The following DLG2 variants were observed in gnomAD, a reference collection of about 807,000 sequenced individuals.
DLG2 encodes the protein discs large MAGUK scaffold protein 2.
In DLG2, 45 loss-of-function variants were observed where a neutral mutation model predicts 132.5. The observed-to-expected ratio is 0.34, with a 90% CI of 0.27 to 0.44. The LOEUF is 0.44. Ranked by LOEUF, DLG2 falls within the 20% of genes least tolerant of loss-of-function variation. The pLI is 1.00. For missense variants in DLG2, 1,045 were observed against 1,196.9 expected, an observed-to-expected ratio of 0.87 and a Z score of 1.87; for synonymous variants, 424 against 419.6, an observed-to-expected ratio of 1.01 and a Z score of -0.13.
chr11:84,322,136 G>T (rs1407108659), intron 7 of DLG2, among the ~76,000 whole-genome samples: 1 of 152,198 alleles, frequency 6.6e-6, no homozygotes, highest in Non-Finnish European at 1.5e-5. Flanking sequence ...AAACATGGAA[G>T]AAGACAAAAG....
chr11:85,598,727 C>A lies in DLG2; in HGVS notation c.-31G>T. 1.3e-6 allele frequency: 2 copies of A among 1,573,274 alleles called. No individual in the cohort carries two copies. The highest frequency in any genetic ancestry group is 1.7e-6 in the Non-Finnish European group (2 of 1,162,310). On this transcript the variant is annotated 5_prime_UTR_variant, in exon 3 of 28. Transcript: ENST00000376104. ...TTTTAACCGCATTTTTCAACAGCTG[C>A]TCCTCTGGTTTCCTTAATTTTTTGC...
At chr11:84,616,111 G>C (rs1593875758) in intron 6 of DLG2, among the ~76,000 whole-genome samples, 1 of 152,044 alleles carries the variant, frequency 6.6e-6, no homozygotes, top group South Asian at 2.1e-4. Flanking sequence ...AGGGGGGTCA[G>C]AGAAGGCTAA....
chr11:85,606,606 C>A (rs1428523949), intron 2 of DLG2, among the ~76,000 whole-genome samples: 1 of 152,198 alleles, frequency 6.6e-6, no homozygotes, highest in African/African-American at 2.4e-5. Flanking sequence ...CCTGAGCCAG[C>A]AGCAGCAACC....
intron 19 of DLG2, among the ~76,000 whole-genome samples, chr11:83,597,525 A>T (rs1243044159): frequency 6.6e-6 from 1 of 152,152 alleles, no homozygotes; most frequent in Non-Finnish European, 1.5e-5. Flanking sequence ...CTCTACCAAA[A>T]TTAAATAAAT....
chr11:84,779,902 GCCCAGGA>G (rs2071403094), intron 6 of DLG2, among the ~76,000 whole-genome samples: 1 of 140,440 alleles, frequency 7.1e-6, no homozygotes, highest in South Asian at 2.2e-4. Flanking sequence ...AAAAAAAAAA[GCCCAGGA>G]CCAGGACCAG....
In DLG2 at chr11:84,121,234, T is replaced by G. The variant is rs75343819; in HGVS notation, c.625-22187A>C. 9.8e-3 allele frequency among the ~76,000 whole-genome samples: 1,493 copies of G among 152,312 alleles called. 24 individuals are homozygous for G. The highest frequency in any genetic ancestry group is 0.033 in the African/African-American group (1,370 of 41,574). ...TGTTATATAAGTTATTTAACCGCTTTGAGTCTCAGTTGTCTCTTCTATAAA... is the reference window on the plus strand; with the variant it reads ...TGTTATATAAGTTATTTAACCGCTTGGAGTCTCAGTTGTCTCTTCTATAAA... On this transcript the variant is annotated intron_variant, in intron 9 of 27. Coordinates refer to ENST00000376104, the MANE Select transcript of DLG2 (RefSeq NM_001142699.3).
At chr11:84,255,572 C>A (rs1401813673) in intron 7 of DLG2, among the ~76,000 whole-genome samples, 1 of 152,172 alleles carries the variant, frequency 6.6e-6, no homozygotes, top group Non-Finnish European at 1.5e-5. Flanking sequence ...GATCCACACG[C>A]CTCGGCCCCC....
rs898707474 is a variant in DLG2, at chr11:84,439,365, A to G, written c.519+95205T>C. 7.2e-5 allele frequency among the ~76,000 whole-genome samples: 11 copies of G among 152,292 alleles called. No individual in the cohort carries two copies. In the South Asian group the frequency reaches 1.0e-3, roughly 14 times the overall value. On this transcript the variant is annotated intron_variant, in intron 7 of 27. Transcript: ENST00000376104. ...GAAATCTCGAGTGCTCACCGGATAC[A>G]TAGGCTGTGGTGAAATGATTCAGTG...
At chr11:84,734,486 T>A (rs900235433) in intron 6 of DLG2, among the ~76,000 whole-genome samples, 1 of 152,190 alleles carries the variant, frequency 6.6e-6, no homozygotes, top group Non-Finnish European at 1.5e-5. Context: ...CACATTGATT[T>A]TGTATCCTGA....
At chr11:83,697,292 A>T (rs1010341958) in intron 18 of DLG2, among the ~76,000 whole-genome samples, 2 of 152,228 alleles carry the variant, frequency 1.3e-5, no homozygotes, top group Admixed American at 1.3e-4. Context: ...TTGACTCTAA[A>T]ATAACAAATA....
chr11:85,125,004 G>C (rs924545443), intron 5 of DLG2, among the ~76,000 whole-genome samples: 1 of 152,022 alleles, frequency 6.6e-6, no homozygotes. Context: ...CTAATTTTTT[G>C]TATTTTTAGT....
intron 18 of DLG2, among the ~76,000 whole-genome samples, chr11:83,727,072 C>T (rs1566724092): frequency 6.6e-6 from 1 of 152,224 alleles, no homozygotes; most frequent in Non-Finnish European, 1.5e-5. Flanking sequence ...TTCCTCTGCT[C>T]ACTGAGGTTG....
intron 4 of DLG2, among the ~76,000 whole-genome samples, chr11:85,177,662 A>G (rs2079394911): frequency 2.6e-5 from 4 of 151,912 alleles, no homozygotes; most frequent in Admixed American, 2.6e-4. Flanking sequence ...CTACATATAT[A>G]CCCCAGAACT....
intron 11 of DLG2, 30 bp downstream of exon 11, chr11:84,059,285 G>C (rs548629505): frequency 6.2e-7 from 1 of 1,606,498 alleles, no homozygotes; most frequent in Non-Finnish European, 8.5e-7. Flanking sequence ...TTTGTCACTA[G>C]TGTCTGTGAG....
At chr11:84,020,896 G>T (rs1345666223) in intron 11 of DLG2, among the ~76,000 whole-genome samples, 1 of 152,190 alleles carries the variant, frequency 6.6e-6, no homozygotes, top group Non-Finnish European at 1.5e-5. Flanking sequence ...GGGGCAATTA[G>T]AGGGTGACTT....
chr11:85,427,278 CCA>C (rs2090831582), intron 3 of DLG2, among the ~76,000 whole-genome samples: 1 of 152,120 alleles, frequency 6.6e-6, no homozygotes, highest in Non-Finnish European at 1.5e-5. Context: ...ACAGAGAAAG[CCA>C]CAAAGATACT....
rs200484099 is a variant in DLG2 at position 83,930,481 on chromosome 11, G to T, written c.1343C>A (p.Pro448His). The T allele has an allele frequency of 3.7e-6, 6 of 1,613,588 alleles. No homozygotes were observed. The African/African-American group carries it at 5.3e-5, about 14-fold the overall frequency. The change falls in exon 15 of 28, where the codon CCT becomes CAT. Residue 448 changes from proline (P) to histidine (H), a missense_variant and splice_region_variant. This residue lies in a region of DLG2 where 261 missense variants were observed against 256.1 expected (regional missense o/e 1.02). Coordinates refer to ENST00000376104, the MANE Select transcript of DLG2 (RefSeq NM_001142699.3). ...CACAGTGCTGTAAACAGGTTCCGGA[G>T]GCCTGGTGATACAAGAGGAAGAGAA... ...HMLVDDDYTR[P>H]PEPVYSTVNK...
intron 19 of DLG2, among the ~76,000 whole-genome samples, chr11:83,578,909 T>G (rs932375866): frequency 6.6e-6 from 1 of 152,246 alleles, no homozygotes; most frequent in African/African-American, 2.4e-5. Context: ...AAGAATGTTC[T>G]CAGACCACAC....
rs1292008915 is a variant in DLG2, at chr11:84,317,311, C to G, written c.520-66020G>C. ...TGCATCGTGGGAGCAGTGGGAGCAG[C>G]GACAGCAGCTCCGCACAGCATTATC... On this transcript the variant is annotated intron_variant, in intron 7 of 27. Transcript: ENST00000376104. The G allele has an allele frequency of 9.1e-6, 13 of 1,434,940 alleles. No individual in the cohort carries two copies. The East Asian group carries it at 3.2e-4, about 36-fold the overall frequency. 88.9% of individuals were successfully genotyped at this position (1,434,940 alleles called of 1,614,324 possible).
Sources: allele counts gnomAD v4.1 joint callset (sites outside exome capture counted in the v4.1 genomes callset), GRCh38; gene constraint gnomAD v4.1.1; regional missense constraint gnomAD v4.1.1; transcripts MANE v1.5; gene names NCBI Gene and HGNC (gene_info 2026-07-23, HGNC 2026-07-21).